VRK3: variants seen among roughly 807,000 people sequenced by gnomAD.
VRK3 encodes serine/threonine-protein kinase VRK3.
In VRK3, 50 loss-of-function variants were observed where a neutral mutation model predicts 60.4. The observed-to-expected ratio is 0.83, with a 90% CI of 0.66 to 1.05. The LOEUF is 1.05. VRK3 is among the 50% of genes least tolerant of loss of function. The probability of loss-of-function intolerance (pLI) is 0.00; values close to 1 mark genes in which losing one functional copy is unlikely to be tolerated. For missense variants in VRK3, 549 were observed against 585.3 expected (o/e 0.94, Z 0.64); for synonymous variants, 246 against 227.8 (o/e 1.08, Z -0.72).
intron 10 of VRK3, among the ~76,000 whole-genome samples, chr19:49,992,590 T>A (rs2076629743): frequency 6.6e-6 from 1 of 152,250 alleles, no homozygotes; most frequent in South Asian, 2.1e-4. Context: ...TATCTTGTTT[T>A]AAGTTACATC....
At chr19:50,016,901 A>G (rs893235662) in intron 2 of VRK3, among the ~76,000 whole-genome samples, 1 of 90,556 alleles carries the variant, frequency 1.1e-5, no homozygotes, top group Non-Finnish European at 2.3e-5. Context: ...TCTAACAAAG[A>G]GCAATACGCC....
intron 9 of VRK3, 95 bp downstream of exon 9, chr19:49,994,719 T>C: frequency 1.8e-6 from 2 of 1,084,124 alleles, no homozygotes; most frequent in Non-Finnish European, 2.7e-6. Flanking sequence ...CGGAGGGGGG[T>C]GGGGGCCGGA....
At chr19:50,011,722 A>C (rs1232775328) in intron 3 of VRK3, among the ~76,000 whole-genome samples, 1 of 142,160 alleles carries the variant, frequency 7.0e-6, no homozygotes, top group Non-Finnish European at 1.5e-5. Context: ...AATGTTCCTC[A>C]CTCCTCCAGT....
In VRK3 at chr19:49,979,048, G is replaced by A. The variant is rs781532862; in HGVS notation, c.*11+35C>T. On this transcript the variant is annotated intron_variant, in intron 14 of 14. Coordinates refer to ENST00000316763, the MANE Select transcript of VRK3 (RefSeq NM_016440.4). ...GGGGCAGGGCTCGGGTGAGGGCAAG[G>A]GGTGAGAGGCTTAAGCCTCACAAGC... 29 of 1,559,090 alleles carry A rather than the reference G, an allele frequency of 1.9e-5. No homozygotes were observed. In the East Asian group the frequency reaches 6.1e-4, roughly 33 times the overall value.
intron 10 of VRK3, 56 bp downstream of exon 10, chr19:49,992,804 A>G: frequency 6.6e-7 from 1 of 1,518,760 alleles, no homozygotes; most frequent in Non-Finnish European, 9.1e-7. Flanking sequence ...AGATTTGGAG[A>G]CAGATGGGAA....
chr19:49,996,888 A>G (rs528800641), intron 7 of VRK3: 1 of 152,386 alleles, frequency 6.6e-6, no homozygotes, highest in East Asian at 1.9e-4. Flanking sequence ...AAGTGCTAAG[A>G]CTACAGGCAT....
chr19:50,012,250 G>A (rs1160191092), intron 3 of VRK3, among the ~76,000 whole-genome samples: 2 of 152,192 alleles, frequency 1.3e-5, no homozygotes, highest in Non-Finnish European at 2.9e-5. Context: ...GGGATTACAT[G>A]CGTGAGCCAC....
chr19:50,016,794 T>G (rs1049235080), intron 2 of VRK3, among the ~76,000 whole-genome samples: 4 of 152,228 alleles, frequency 2.6e-5, no homozygotes, highest in African/African-American at 9.7e-5. Flanking sequence ...TAGAAGAGTT[T>G]TAAGCCAGTT....
In VRK3 at chr19:49,994,819, G is replaced by A. The variant is rs780095555; in HGVS notation, c.865C>T (p.Arg289Trp). 6.8e-6 allele frequency: 11 copies of A among 1,613,000 alleles called. No homozygotes were observed. Among genetic ancestry groups the A allele is most frequent in the Admixed American group, 3.3e-5 (2 of 59,852 alleles). The stretch of plus-strand genomic sequence containing the variant: ...AGCAACTTCTGGGTACGCACCAGCC[G>A]GCAGGCCACCTGCAGCACAGACCTC... ...SERSVLQVAC[R>W]LLDALEFLHE... Residue 289 changes from arginine to tryptophan, a missense_variant, in exon 9 of 15, where the codon CGG (arginine) becomes TGG (tryptophan). Arg to Trp is a moderately radical substitution (Grantham distance 101). Coordinates refer to ENST00000316763, the MANE Select transcript of VRK3 (RefSeq NM_016440.4).
At chr19:49,991,201 T>C (rs78131709) in intron 10 of VRK3, among the ~76,000 whole-genome samples, 9,901 of 152,266 alleles carry the variant, frequency 0.065, 393 homozygotes, top group South Asian at 0.092. Context: ...GAGATGAACA[T>C]TGGGGTTTGT....
At chr19:50,006,257 C>G (rs988826150) in intron 5 of VRK3, among the ~76,000 whole-genome samples, 2 of 151,448 alleles carry the variant, frequency 1.3e-5, no homozygotes, top group Admixed American at 1.3e-4. Flanking sequence ...TTGTTAAAAG[C>G]CGAGATCGTG....
chr19:49,997,598 C>G, intron 6 of VRK3, 28 bp from the exon 7 acceptor site: 2 of 1,612,860 alleles, frequency 1.2e-6, no homozygotes, highest in Non-Finnish European at 8.5e-7. Context: ...GGGCAGAAGG[C>G]TGTCACACTG....
At position 50,000,639 on chromosome 19, in the gene VRK3, C is replaced by T; in HGVS notation, c.612+151G>A. 3 of 856,986 alleles carry T rather than the reference C, an allele frequency of 3.5e-6. No homozygotes were observed. The South Asian group carries it at 4.9e-5, about 14-fold the overall frequency. The allele number at this position is 856,986 out of a possible 1,614,324, so 53.1% of individuals were successfully genotyped here. A position where few individuals can be genotyped will look rare whatever the true frequency, so the allele number is the denominator to read the frequency against. ...CCCTGGGATGATGGAGAACTGGGCG[C>T]CTGCCCCGCCCACGGTCTTAATACT... On this transcript the variant is annotated intron_variant, in intron 6 of 14. Coordinates refer to ENST00000316763, the MANE Select transcript of VRK3 (RefSeq NM_016440.4).
intron 9 of VRK3, among the ~76,000 whole-genome samples, chr19:49,993,326 CTT>C (rs1330941685): frequency 6.6e-6 from 1 of 152,176 alleles, no homozygotes; most frequent in Admixed American, 6.5e-5. Flanking sequence ...AGAAATAAAT[CTT>C]GTTAAGCAAT....
chr19:49,995,567 C>T (rs774066549), intron 7 of VRK3, among the ~76,000 whole-genome samples: 2 of 152,004 alleles, frequency 1.3e-5, no homozygotes, highest in Non-Finnish European at 2.9e-5. Flanking sequence ...GGGTTACTTC[C>T]GAATTCACAC....
At chr19:49,983,430 G>A (rs73932233) in intron 12 of VRK3, among the ~76,000 whole-genome samples, 7,997 of 152,266 alleles carry the variant, frequency 0.053, 693 homozygotes, top group African/African-American at 0.18. Context: ...GGGCCTGTGC[G>A]TAGGTCCACA....
chr19:49,989,155 T>C (rs2076567590), intron 11 of VRK3, among the ~76,000 whole-genome samples: 1 of 152,028 alleles, frequency 6.6e-6, no homozygotes, highest in Non-Finnish European at 1.5e-5. Flanking sequence ...ACGGCCATGA[T>C]ATAAAGGGAT....
At chr19:50,024,909 C>G (rs368384494) in intron 1 of VRK3, 2 of 152,264 alleles carry the variant, frequency 1.3e-5, no homozygotes, top group East Asian at 3.8e-4. Context: ...AAAAGTCAGA[C>G]CCCACCTCAG....
chr19:49,997,717 A>G, intron 6 of VRK3, 147 bp from the exon 7 acceptor site: 1 of 740,044 alleles, frequency 1.4e-6, no homozygotes, highest in East Asian at 2.8e-5. Context: ...GGTACTGCAC[A>G]CAAACACACA....
Sources: allele counts gnomAD v4.1 joint callset (sites outside exome capture counted in the v4.1 genomes callset), GRCh38; gene constraint gnomAD v4.1.1; transcripts MANE v1.5; gene names NCBI Gene and HGNC (gene_info 2026-07-23, HGNC 2026-07-21).